AKNA: variants seen among roughly 807,000 people sequenced by gnomAD.
The protein encoded by AKNA is AT-hook transcription factor.
In AKNA, 67 loss-of-function variants were observed where a neutral mutation model predicts 138.8. The ratio of observed to expected loss-of-function variants is 0.48; its 90% CI spans 0.40 to 0.59. AKNA has a LOEUF of 0.59. Among genes scored for constraint, AKNA ranks in the 20% least tolerant of loss-of-function variants. The probability of loss-of-function intolerance (pLI) is 0.00; values close to 1 mark genes in which losing one functional copy is unlikely to be tolerated. For synonymous variants in AKNA, 737 were observed against 754.4 expected, an observed-to-expected ratio of 0.98 and a Z score of 0.38; for missense variants, 1,813 against 1,880.4, an observed-to-expected ratio of 0.96 and a Z score of 0.66.
At chr9:114,330,685 G>T, downstream of AKNA, 14 of 1,601,906 alleles carry the variant, frequency 8.7e-6, no homozygotes, top group East Asian at 2.2e-5. Flanking sequence ...AACCGGGAGG[G>T]TTGGCTTTAA....
intron 3 of AKNA, among the ~76,000 whole-genome samples, chr9:114,374,854 C>T (rs2132035543): frequency 6.6e-6 from 1 of 152,324 alleles, no homozygotes; most frequent in Non-Finnish European, 1.5e-5. Flanking sequence ...AACGGAACAT[C>T]TCGCTGGCCC....
intron 4 of AKNA, among the ~76,000 whole-genome samples, chr9:114,370,596 G>A (rs1261264471): frequency 6.6e-6 from 1 of 152,154 alleles, no homozygotes; most frequent in Non-Finnish European, 1.5e-5. Flanking sequence ...TGGTCTCTCT[G>A]GACACAGCCA....
At position 114,377,480 on chromosome 9, in the gene AKNA, G is replaced by T. The variant is rs1833329652; in HGVS notation, c.327C>A (p.Ala109=). 6.2e-7 allele frequency: 1 copy of T among 1,612,848 alleles called. No individual in the cohort carries two copies. Among genetic ancestry groups the T allele is most frequent in the Non-Finnish European group, 8.5e-7 (1 of 1,179,586 alleles). The part of the protein sequence containing the change: ...DSPASSHEPL[A]WLPQQGRQLD... ...GCTGACGGCCCTGCTGGGGGAGCCAGGCAAGAGGCTCATGGGAACTTGCTG... is the reference window on the plus strand; with the variant it reads ...GCTGACGGCCCTGCTGGGGGAGCCATGCAAGAGGCTCATGGGAACTTGCTG... The change falls in exon 3 of 22, where the codon GCC becomes GCA. Residue 109 remains alanine, a synonymous_variant. Coordinates refer to ENST00000374088, the MANE Select transcript of AKNA (RefSeq NM_001317950.2).
In AKNA at chr9:114,387,840, C is replaced by G. The variant is rs1834153721; in HGVS notation, c.-114+20G>C. On this transcript the variant is annotated intron_variant, in intron 1 of 21. Coordinates refer to ENST00000374088, the MANE Select transcript of AKNA (RefSeq NM_001317950.2). ...GAAGGAAAGCGGCCTCCCGGGCCCT[C>G]CTCCGTTCCAATCCCTTACCTCTCT... The G allele has an allele frequency of 4.5e-6, 2 of 446,588 alleles. No individual in the cohort carries two copies. Among genetic ancestry groups the G allele is most frequent in the Non-Finnish European group, 9.1e-6 (2 of 220,476 alleles). The allele number at this position is 446,588 out of a possible 1,614,324, so 27.7% of individuals were successfully genotyped here.
chr9:114,386,101 C>G (rs958962403), intron 1 of AKNA, among the ~76,000 whole-genome samples: 2 of 152,170 alleles, frequency 1.3e-5, no homozygotes, highest in Non-Finnish European at 2.9e-5. Flanking sequence ...AACTGTTAAC[C>G]TCTCTCCTCC....
At chr9:114,342,711 C>T (rs1268084278) in intron 19 of AKNA, among the ~76,000 whole-genome samples, 2 of 152,200 alleles carry the variant, frequency 1.3e-5, no homozygotes, top group East Asian at 3.9e-4. Flanking sequence ...CTTGGCTCAA[C>T]CACCACTCCC....
At chr9:114,353,034 T>G (rs1028641416) in intron 14 of AKNA, among the ~76,000 whole-genome samples, 8 of 152,186 alleles carry the variant, frequency 5.3e-5, no homozygotes, top group African/African-American at 1.9e-4. Context: ...AGTGAGGTTC[T>G]GGGGTTCAGA....
Position 114,376,487 on chromosome 9 carries a change from A to G in AKNA, c.1320T>C (p.Thr440=), listed in dbSNP as rs1833212901. ...TAACCTGGAGCTGATGGACCAGCTC[A>G]GTGGCTTGCTCAGGCGTCTGAAATT... The part of the protein sequence containing the change: ...PQEFQTPEQA[T]ELVHQLQEDY... Residue 440 remains threonine (T), a synonymous_variant, in exon 3 of 22, where the codon ACT becomes ACC. Transcript: ENST00000374088. 1.2e-6 allele frequency: 2 copies of G among 1,613,894 alleles called. No individual in the cohort carries two copies. Among genetic ancestry groups the G allele is most frequent in the East Asian group, 2.2e-5 (1 of 44,860 alleles).
rs750839448 is a variant in AKNA, at chr9:114,376,492, C to T, written c.1315G>A (p.Ala439Thr). ...TGGAGCTGATGGACCAGCTCAGTGG[C>T]TTGCTCAGGCGTCTGAAATTCTTGG... Reference protein sequence around the residue: ...VPQEFQTPEQATELVHQLQED... With the variant: ...VPQEFQTPEQTTELVHQLQED... The change falls in exon 3 of 22, where the codon GCC (alanine) becomes ACC (threonine). Residue 439 changes from alanine to threonine, a missense_variant. Ala to Thr is a moderately conservative substitution (Grantham distance 58). Transcript: ENST00000374088. The T allele has an allele frequency of 1.2e-6, 2 of 1,613,802 alleles. No individual in the cohort carries two copies. The highest frequency in any genetic ancestry group is 1.7e-4 in the Middle Eastern group (1 of 6,060).
At chr9:114,393,957 G>C (rs1302698434) in intron 1 of AKNA, among the ~76,000 whole-genome samples, 1 of 152,080 alleles carries the variant, frequency 6.6e-6, no homozygotes, top group Non-Finnish European at 1.5e-5. Flanking sequence ...AGGATCACCT[G>C]AGGTCAGGAG....
Position 114,376,581 on chromosome 9 carries a change from A to G in AKNA, c.1226T>C (p.Leu409Ser). 7 of 1,614,054 alleles carry G rather than the reference A, an allele frequency of 4.3e-6. No homozygotes were observed. Among genetic ancestry groups the G allele is most frequent in the Non-Finnish European group, 5.9e-6 (7 of 1,180,006 alleles). ...TGCCAGGGCTGCTTCTCCACTGCTC[A>G]ACAGCACCTCCTGCACAATCTCAGC... ...SPAEIVQEVLLSSGEAALAKD... is the reference protein window; with the variant it reads ...SPAEIVQEVLSSSGEAALAKD... Residue 409 changes from leucine (L) to serine (S), a missense_variant, in exon 3 of 22, where the codon TTG becomes TCG. Coordinates refer to ENST00000374088, the MANE Select transcript of AKNA (RefSeq NM_001317950.2).
downstream of AKNA, chr9:114,331,890 C>T (rs372629861): frequency 1.6e-4 from 265 of 1,613,766 alleles, 1 homozygote; most frequent in Non-Finnish European, 2.2e-4. Context: ...ACTGCTTGTG[C>T]ATTCCCAGGT....
intron 12 of AKNA, among the ~76,000 whole-genome samples, chr9:114,357,499 C>G (rs893033907): frequency 6.7e-6 from 1 of 148,904 alleles, no homozygotes; most frequent in Non-Finnish European, 1.5e-5. Context: ...ACCATGGGCT[C>G]GTTAGGACTA....
Position 114,337,012 on chromosome 9 carries a change from T to TTGGGGGGGGGCGG in AKNA, c.*41_*42insCCGCCCCCCCCCA. 8.3e-7 allele frequency: 1 copy of TTGGGGGGGGGCGG among 1,208,224 alleles called. No homozygotes were observed. Among genetic ancestry groups the TTGGGGGGGGGCGG allele is most frequent in the East Asian group, 3.1e-5 (1 of 32,128 alleles). 74.8% of individuals were successfully genotyped at this position (1,208,224 alleles called of 1,614,324 possible). ...CCCACTCCTGGCCTGGCAGGCCACCTGCCCACCCACCCACCCATCTGCCTC... is the reference window on the plus strand; with the variant it reads ...CCCACTCCTGGCCTGGCAGGCCACCTTGGGGGGGGGCGGGCCCACCCACCCACCCATCTGCCTC... On this transcript the variant is annotated 3_prime_UTR_variant, in exon 22 of 22. Transcript: ENST00000374088.
downstream of AKNA, among the ~76,000 whole-genome samples, chr9:114,332,904 G>A (rs1358598642): frequency 1.3e-5 from 2 of 152,178 alleles, no homozygotes; most frequent in East Asian, 3.9e-4. Flanking sequence ...GACAGAAAAT[G>A]ACTTGCCCAA....
At position 114,380,981 on chromosome 9, in the gene AKNA, C is replaced by CAGAAAAAAAAAAAAAAAAAAAAAAA. The variant is rs1346229782; in HGVS notation, c.274+78_274+79insTTTTTTTTTTTTTTTTTTTTTTTCT. Reference sequence around the variant, plus strand: ...CTGGCAATGAAGCAAGACTCTGTCTCAAAAAAAAAAAAAAAAAAAAGAACG... The same window carrying CAGAAAAAAAAAAAAAAAAAAAAAAA: ...CTGGCAATGAAGCAAGACTCTGTCTCAGAAAAAAAAAAAAAAAAAAAAAAAAAAAAAAAAAAAAAAAAAAAGAACG... On this transcript the variant is annotated intron_variant, in intron 2 of 21. Coordinates refer to ENST00000374088, the MANE Select transcript of AKNA (RefSeq NM_001317950.2). 4.5e-5 allele frequency: 50 copies of CAGAAAAAAAAAAAAAAAAAAAAAAA among 1,110,524 alleles called. 5 individuals are homozygous for CAGAAAAAAAAAAAAAAAAAAAAAAA. The African/African-American group carries it at 1.2e-3, about 28-fold the overall frequency. The allele number at this position is 1,110,524 out of a possible 1,614,324, so 68.8% of individuals were successfully genotyped here. A position where few individuals can be genotyped will look rare whatever the true frequency, so the allele number is the denominator to read the frequency against.
chr9:114,356,108 CA>C lies in AKNA; in HGVS notation c.2874del (p.Phe958LeufsTer19). ...GCTCCATCCCTGGGCACAGATGCAG[CA>C]AAGGGCTGGGCTAATGTTCCTGCTG... ...ISTAGTLAQP[F>X]AASVPRDGAS... On this transcript the variant is annotated frameshift_variant, in exon 14 of 22. Transcript: ENST00000374088. LOFTEE classifies it high-confidence loss of function. The C allele has an allele frequency of 3.1e-6, 5 of 1,613,976 alleles. No homozygotes were observed. The highest frequency in any genetic ancestry group is 4.2e-6 in the Non-Finnish European group (5 of 1,179,960).
chr9:114,347,659 G>C, intron 16 of AKNA, 65 bp downstream of exon 16: 1 of 1,442,466 alleles, frequency 6.9e-7, no homozygotes, highest in East Asian at 2.6e-5. Context: ...GAGAGCCAGA[G>C]GCCAGCCAAG....
intron 15 of AKNA, 63 bp downstream of exon 15, chr9:114,350,796 G>A (rs1389035893): frequency 8.1e-6 from 12 of 1,485,934 alleles, no homozygotes; most frequent in East Asian, 2.4e-5. Flanking sequence ...CTGCTAACAC[G>A]TCGCATCACG....
Sources: gnomAD v4.1 joint callset for allele counts (sites outside exome capture counted in the v4.1 genomes callset) on GRCh38, gnomAD v4.1.1 for gene constraint, MANE v1.5 for transcripts, NCBI Gene and HGNC (gene_info 2026-07-23, HGNC 2026-07-21) for gene names.